Variants in ST6GALNAC5 observed in about 807,000 individuals in gnomAD.
ST6GALNAC5 encodes alpha-N-acetylgalactosaminide alpha-2,6-sialyltransferase 5.
ST6GALNAC5 carries 27 observed loss-of-function variants against 33.6 expected under a neutral mutation model. The ratio of observed to expected loss-of-function variants is 0.80; its 90% CI spans 0.59 to 1.11. ST6GALNAC5 has a LOEUF of 1.11. ST6GALNAC5 is among the 50% of genes least tolerant of loss of function. ST6GALNAC5 has a pLI of 0.00. For missense variants in ST6GALNAC5, 428 were observed against 454.0 expected (o/e 0.94, Z 0.52); for synonymous variants, 194 against 171.2 (o/e 1.13, Z -1.04).
chr1:77,009,855 A>AC (rs2100422315), intron 2 of ST6GALNAC5, among the ~76,000 whole-genome samples: 1 of 152,288 alleles, frequency 6.6e-6, no homozygotes, highest in Admixed American at 6.5e-5. Flanking sequence ...ATACTAAAAT[A>AC]CTTTTTTTTA....
rs147265638 is a variant in ST6GALNAC5 at position 77,067,376 on chromosome 1, C to T, written c.*4170C>T. Among the ~76,000 whole-genome samples the T allele has an allele frequency of 2.0e-5, 3 of 152,278 alleles. No homozygotes were observed. The East Asian group carries it at 5.8e-4, about 29-fold the overall frequency. On this transcript the variant is annotated 3_prime_UTR_variant, in exon 5 of 5. Coordinates refer to ENST00000477717, the MANE Select transcript of ST6GALNAC5 (RefSeq NM_030965.3). ...CTCAGTGCCCTAATATTATATACTACCTTGAATTGTGCTTCGTCTTTTTAT... is the reference window on the plus strand; with the variant it reads ...CTCAGTGCCCTAATATTATATACTATCTTGAATTGTGCTTCGTCTTTTTAT...
At chr1:76,934,403 C>A (rs1647176113) in intron 2 of ST6GALNAC5, among the ~76,000 whole-genome samples, 1 of 152,042 alleles carries the variant, frequency 6.6e-6, no homozygotes, top group Non-Finnish European at 1.5e-5. Flanking sequence ...TGTGACAGCT[C>A]TCTCCTATCT....
intron 2 of ST6GALNAC5, among the ~76,000 whole-genome samples, chr1:76,990,645 A>C (rs1006623631): frequency 6.6e-6 from 1 of 152,162 alleles, no homozygotes; most frequent in African/African-American, 2.4e-5. Flanking sequence ...AATCTTCCTG[A>C]ATACACTCTC....
intron 2 of ST6GALNAC5, among the ~76,000 whole-genome samples, chr1:76,970,466 A>T (rs1435420991): frequency 1.3e-5 from 2 of 152,112 alleles, no homozygotes; most frequent in East Asian, 3.9e-4. Context: ...GTGATTGAAG[A>T]TCAATTTAAT....
Position 77,025,031 on chromosome 1 carries a change from T to A in ST6GALNAC5, c.262-19173T>A, listed in dbSNP as rs188333861. 1.4e-4 allele frequency among the ~76,000 whole-genome samples: 21 copies of A among 152,302 alleles called. No homozygotes were observed. In the East Asian group the frequency reaches 3.5e-3, roughly 25 times the overall value. ...GTCTGTGGATTCTCTTTGTCCTGGGTATAGGCATAAACATAATAGGCATTA... is the reference window on the plus strand; with the variant it reads ...GTCTGTGGATTCTCTTTGTCCTGGGAATAGGCATAAACATAATAGGCATTA... On this transcript the variant is annotated intron_variant, in intron 2 of 4. Coordinates refer to ENST00000477717, the MANE Select transcript of ST6GALNAC5 (RefSeq NM_030965.3).
At position 77,012,623 on chromosome 1, in the gene ST6GALNAC5, T is replaced by C. The variant is rs952836519; in HGVS notation, c.262-31581T>C. 2.0e-5 allele frequency among the ~76,000 whole-genome samples: 3 copies of C among 152,232 alleles called. No individual in the cohort carries two copies. The East Asian group carries it at 5.8e-4, about 29-fold the overall frequency. On this transcript the variant is annotated intron_variant, in intron 2 of 4. Coordinates refer to ENST00000477717, the MANE Select transcript of ST6GALNAC5 (RefSeq NM_030965.3). ...GATCCTTCTCTTGGTGGGAGAGGCC[T>C]TGGCCTTTGTGAACCAAGGAAGAGA...
chr1:76,945,967 A>G (rs1647503478), intron 2 of ST6GALNAC5, among the ~76,000 whole-genome samples: 1 of 152,098 alleles, frequency 6.6e-6, no homozygotes, highest in African/African-American at 2.4e-5. Flanking sequence ...ACCTTGTTCC[A>G]TTTTACCGTA....
intron 2 of ST6GALNAC5, 146 bp from the exon 3 acceptor site, chr1:77,044,058 T>A: frequency 1.1e-6 from 1 of 923,446 alleles, no homozygotes; most frequent in Non-Finnish European, 1.6e-6. Flanking sequence ...GTCCATAAAG[T>A]AATAGCAGAA....
intron 2 of ST6GALNAC5, among the ~76,000 whole-genome samples, chr1:76,893,383 G>C (rs943270184): frequency 2.0e-5 from 3 of 152,158 alleles, no homozygotes; most frequent in Non-Finnish European, 4.4e-5. Flanking sequence ...TGGAAAATTA[G>C]GGTATAAAAC....
intron 2 of ST6GALNAC5, among the ~76,000 whole-genome samples, chr1:77,023,294 A>G (rs776809415): frequency 1.3e-5 from 2 of 152,240 alleles, no homozygotes; most frequent in African/African-American, 2.4e-5. Context: ...TCTCCTGCAT[A>G]TAATAGAAAC....
intron 2 of ST6GALNAC5, among the ~76,000 whole-genome samples, chr1:76,943,512 G>T (rs1252596): frequency 0.57 from 86,591 of 151,824 alleles, 24,916 homozygotes; most frequent in South Asian, 0.61. Context: ...AAAGTGTGGG[G>T]GTATTGCATT....
At chr1:76,919,029 A>G (rs1647004686) in intron 2 of ST6GALNAC5, among the ~76,000 whole-genome samples, 1 of 152,106 alleles carries the variant, frequency 6.6e-6, no homozygotes, top group African/African-American at 2.4e-5. Flanking sequence ...CTCGGTTCTC[A>G]GGCCTTGTTT....
At chr1:77,030,675 T>C (rs1651418992) in intron 2 of ST6GALNAC5, among the ~76,000 whole-genome samples, 1 of 152,202 alleles carries the variant, frequency 6.6e-6, no homozygotes, top group Non-Finnish European at 1.5e-5. Context: ...ACTAATGTGC[T>C]TAAGCAGAAT....
chr1:76,891,800 A>G (rs1311911916), intron 2 of ST6GALNAC5, among the ~76,000 whole-genome samples: 1 of 152,196 alleles, frequency 6.6e-6, no homozygotes, highest in Non-Finnish European at 1.5e-5. Flanking sequence ...GCATGTAGAT[A>G]TCCAGTTGTC....
In ST6GALNAC5 at chr1:77,004,466, C is replaced by T. The variant is rs1279306363; in HGVS notation, c.262-39738C>T. 1.5e-3 allele frequency among the ~76,000 whole-genome samples: 219 copies of T among 143,792 alleles called. 1 individual carries two copies. The highest frequency in any genetic ancestry group is 4.7e-3 in the African/African-American group (192 of 41,018). 94.3% of individuals were successfully genotyped at this position (143,792 alleles called of 152,430 possible). A position where few individuals can be genotyped will look rare whatever the true frequency, so the allele number is the denominator to read the frequency against. On this transcript the variant is annotated intron_variant, in intron 2 of 4. Transcript: ENST00000477717. ...CTCCCGTAGCTCAGAGTAATTTGATCGTCTGAAGCCTTCTTCTCTCAGCTC... is the reference window on the plus strand; with the variant it reads ...CTCCCGTAGCTCAGAGTAATTTGATTGTCTGAAGCCTTCTTCTCTCAGCTC...
intron 2 of ST6GALNAC5, among the ~76,000 whole-genome samples, chr1:76,933,185 G>A (rs991045109): frequency 6.6e-6 from 1 of 151,990 alleles, no homozygotes; most frequent in African/African-American, 2.4e-5. Context: ...TATAAAAAAG[G>A]CATCTTCTAT....
At position 76,954,639 on chromosome 1, in the gene ST6GALNAC5, T is replaced by C. The variant is rs528677874; in HGVS notation, c.261+85897T>C. Among the ~76,000 whole-genome samples, 115 of 152,262 alleles carry C rather than the reference T, an allele frequency of 7.6e-4. 1 individual carries two copies. Among genetic ancestry groups the C allele is most frequent in the South Asian group, 7.5e-3 (36 of 4,830 alleles). ...CAGAGGTAGCATTAGTATCATTTTG[T>C]AGAAAATTAAAACTCAGGTTTGAAA... On this transcript the variant is annotated intron_variant, in intron 2 of 4. Transcript: ENST00000477717.
chr1:76,908,865 T>G (rs1259652747), intron 2 of ST6GALNAC5, among the ~76,000 whole-genome samples: 1 of 152,208 alleles, frequency 6.6e-6, no homozygotes, highest in East Asian at 1.9e-4. Flanking sequence ...ATTAATCATC[T>G]AATCAGTGAA....
At chr1:76,940,407 G>A (rs1190727235) in intron 2 of ST6GALNAC5, among the ~76,000 whole-genome samples, 1 of 152,230 alleles carries the variant, frequency 6.6e-6, no homozygotes, top group East Asian at 1.9e-4. Context: ...CTGGAGCACT[G>A]GCGTGGTACT....
Sources: gnomAD v4.1 joint callset for allele counts (sites outside exome capture counted in the v4.1 genomes callset) on GRCh38, gnomAD v4.1.1 for gene constraint, MANE v1.5 for transcripts, NCBI Gene and HGNC (gene_info 2026-07-23, HGNC 2026-07-21) for gene names.